Variants in NCKAP1L observed in about 807,000 individuals in gnomAD.
NCKAP1L encodes NCK associated protein 1 like.
NCKAP1L carries 53 observed loss-of-function variants against 139.2 expected under a neutral mutation model. That is an observed-to-expected ratio of 0.38 (90% CI 0.31 to 0.48). The LOEUF (loss-of-function observed/expected upper bound fraction) is 0.48, where lower values mean the gene tolerates loss of function less well. Among genes scored for constraint, NCKAP1L ranks in the 20% least tolerant of loss-of-function variants. NCKAP1L has a pLI of 0.98. For missense variants in NCKAP1L, 1,151 were observed against 1,381.9 expected, an observed-to-expected ratio of 0.83 and a Z score of 2.65; for synonymous variants, 468 against 499.7, an observed-to-expected ratio of 0.94 and a Z score of 0.85.
chr12:54,526,148 A>G (rs1190531549), intron 20 of NCKAP1L, among the ~76,000 whole-genome samples: 1 of 152,224 alleles, frequency 6.6e-6, no homozygotes, highest in Non-Finnish European at 1.5e-5. Flanking sequence ...TTCACTGGGA[A>G]TGCAGAGGGT....
At chr12:54,516,829 T>C in intron 10 of NCKAP1L, 67 bp from the exon 11 acceptor site, 2 of 1,360,150 alleles carry the variant, frequency 1.5e-6, no homozygotes, top group Non-Finnish European at 2.1e-6. Flanking sequence ...AGCTTTCTTC[T>C]GTGCTGCCTG....
chr12:54,500,070 C>T (rs1364090064), intron 2 of NCKAP1L, among the ~76,000 whole-genome samples: 1 of 152,064 alleles, frequency 6.6e-6, no homozygotes, highest in Non-Finnish European at 1.5e-5. Flanking sequence ...AGCACTGAAG[C>T]GTTTCTAACT....
rs867120923 is a variant in NCKAP1L, at chr12:54,507,856, C to T, written c.310C>T (p.His104Tyr). 2 of 1,613,622 alleles carry T rather than the reference C, an allele frequency of 1.2e-6. No individual in the cohort carries two copies. Among genetic ancestry groups the T allele is most frequent in the Non-Finnish European group, 1.7e-6 (2 of 1,179,598 alleles). Residue 104 changes from histidine (H) to tyrosine (Y), a missense_variant, in exon 4 of 31, where the codon CAT becomes TAT. By Grantham distance (83) the His-to-Tyr change is moderately conservative. Coordinates refer to ENST00000293373, the MANE Select transcript of NCKAP1L (RefSeq NM_005337.5). ...TTGTCTTCACTTCCACCCCCAGGAT[C>T]ATGTATATGAACTTCTCAACACCAT... ...SFVDVMEFRDHVYELLNTIDA... is the reference protein window; with the variant it reads ...SFVDVMEFRDYVYELLNTIDA...
intron 22 of NCKAP1L, 67 bp downstream of exon 22, chr12:54,528,444 G>T: frequency 1.3e-6 from 2 of 1,553,964 alleles, no homozygotes; most frequent in South Asian, 1.2e-5. Context: ...GAGAATAAAA[G>T]ACTAGGACAT....
intron 3 of NCKAP1L, among the ~76,000 whole-genome samples, chr12:54,505,899 T>A (rs1050607998): frequency 6.6e-5 from 10 of 152,188 alleles, no homozygotes; most frequent in Non-Finnish European, 1.2e-4. Flanking sequence ...CGACCTCAGG[T>A]GATCTGCCCA....
intron 5 of NCKAP1L, 30 bp downstream of exon 5, chr12:54,508,561 A>C: frequency 6.2e-7 from 1 of 1,610,396 alleles, no homozygotes; most frequent in Non-Finnish European, 8.5e-7. Context: ...TTATATGAAG[A>C]GTCTCATACA....
At chr12:54,539,378 C>A (rs1009903669) in intron 30 of NCKAP1L, among the ~76,000 whole-genome samples, 1 of 152,120 alleles carries the variant, frequency 6.6e-6, no homozygotes, top group Non-Finnish European at 1.5e-5. Flanking sequence ...CTGGATAACA[C>A]AGAGCTGAAC....
At chr12:54,537,170 C>T in intron 29 of NCKAP1L, 117 bp downstream of exon 29, 1 of 637,328 alleles carries the variant, frequency 1.6e-6, no homozygotes, top group Non-Finnish European at 2.7e-6. Context: ...CCACCTAATT[C>T]ATTCAGTAAA....
In NCKAP1L at chr12:54,522,906, C is replaced by T. The variant is rs143938773; in HGVS notation, c.1879-488C>T. Among the ~76,000 whole-genome samples the T allele has an allele frequency of 6.9e-3, 1,044 of 152,164 alleles. 13 individuals carry two copies. The highest frequency in any genetic ancestry group is 0.024 in the African/African-American group (995 of 41,514). On this transcript the variant is annotated intron_variant, in intron 18 of 30. Transcript: ENST00000293373. ...AAAAAAGTGGAAAGACAATGCTGGC[C>T]ACATTGTGAACTCCAAATCTTTGGA...
chr12:54,504,858 C>T (rs1956827731), intron 3 of NCKAP1L, among the ~76,000 whole-genome samples: 1 of 152,226 alleles, frequency 6.6e-6, no homozygotes, highest in South Asian at 2.1e-4. Context: ...TAGACCAACA[C>T]ATGTTATTTC....
At chr12:54,505,914 G>A (rs1956836381) in intron 3 of NCKAP1L, among the ~76,000 whole-genome samples, 1 of 152,136 alleles carries the variant, frequency 6.6e-6, no homozygotes, top group African/African-American at 2.4e-5. Context: ...TGCCCACCTT[G>A]GCCTCCCAAA....
At chr12:54,527,703 G>C (rs1957037526) in intron 21 of NCKAP1L, among the ~76,000 whole-genome samples, 2 of 152,178 alleles carry the variant, frequency 1.3e-5, no homozygotes, top group South Asian at 4.1e-4. Flanking sequence ...ATTAGATACA[G>C]ACCCAGAGCA....
chr12:54,530,227 A>G (rs1046392288), intron 22 of NCKAP1L, among the ~76,000 whole-genome samples: 4 of 152,196 alleles, frequency 2.6e-5, no homozygotes, highest in African/African-American at 9.7e-5. Context: ...CCTTTCTTCT[A>G]CTGGTCTCTT....
rs747609286 is a variant in NCKAP1L, at chr12:54,511,926, C to T, written c.785-23C>T. ...AAGAACAAGTTCTAAAAGTCTTCCT[C>T]TGCACTGTTTTCCCACCTACAGTTG... On this transcript the variant is annotated intron_variant, in intron 8 of 30. Coordinates refer to ENST00000293373, the MANE Select transcript of NCKAP1L (RefSeq NM_005337.5). 6 of 1,614,080 alleles carry T rather than the reference C, an allele frequency of 3.7e-6. No individual in the cohort carries two copies. The South Asian group carries it at 5.5e-5, about 15-fold the overall frequency.
chr12:54,514,100 A>G (rs80060918), intron 9 of NCKAP1L, among the ~76,000 whole-genome samples: 3,596 of 152,272 alleles, frequency 0.024, 70 homozygotes, highest in Middle Eastern at 0.044. Context: ...GTTTGCTTAA[A>G]AAAACTTACT....
intron 22 of NCKAP1L, among the ~76,000 whole-genome samples, chr12:54,530,256 C>T (rs1053610672): frequency 6.6e-6 from 1 of 152,220 alleles, no homozygotes; most frequent in Non-Finnish European, 1.5e-5. Flanking sequence ...TACTTCTGGT[C>T]TTTCATGGTT....
chr12:54,519,034 CT>C, intron 15 of NCKAP1L, 62 bp downstream of exon 15: 1 of 1,556,828 alleles, frequency 6.4e-7, no homozygotes, highest in Non-Finnish European at 8.8e-7. Flanking sequence ...ACAATCCCTT[CT>C]CTTTTTATCT....
intron 3 of NCKAP1L, among the ~76,000 whole-genome samples, chr12:54,502,823 CAAAAA>C (rs780466592): frequency 2.8e-4 from 16 of 57,954 alleles, no homozygotes; most frequent in African/African-American, 5.7e-4. Flanking sequence ...CCCATCTACA[CAAAAA>C]AAAAAAAAAA....
intron 30 of NCKAP1L, among the ~76,000 whole-genome samples, chr12:54,542,140 A>C (rs1054927426): frequency 1.3e-5 from 2 of 152,132 alleles, no homozygotes; most frequent in African/African-American, 4.8e-5. Context: ...CCAACACAAG[A>C]GGACCCATGT....
Sources: allele counts gnomAD v4.1 joint callset (sites outside exome capture counted in the v4.1 genomes callset), GRCh38; gene constraint gnomAD v4.1.1; transcripts MANE v1.5; gene names NCBI Gene and HGNC (gene_info 2026-07-23, HGNC 2026-07-21).